The following SSBP3 variants were observed in gnomAD, a reference collection of about 807,000 sequenced individuals.
SSBP3 encodes single-stranded DNA-binding protein 3.
Under a neutral mutation model 69.6 loss-of-function variants are expected in SSBP3, and 5 were observed. That is an observed-to-expected ratio of 0.07 (90% confidence interval 0.04 to 0.15). SSBP3 has a LOEUF of 0.15. SSBP3 is among the 10% of genes least tolerant of loss of function. The pLI, the probability that SSBP3 is intolerant of heterozygous loss-of-function variation, is 1.00. For missense variants in SSBP3, 312 were observed against 534.0 expected (o/e 0.58, Z 4.10); for synonymous variants, 196 against 193.4 (o/e 1.01, Z -0.11).
chr1:54,342,472 GCT>G (rs1646626181), intron 4 of SSBP3, among the ~76,000 whole-genome samples: 1 of 152,198 alleles, frequency 6.6e-6, no homozygotes, highest in Non-Finnish European at 1.5e-5. Context: ...GCAGGTGTGG[GCT>G]CTCTGCAAAG....
chr1:54,297,009 T>C (rs1329355179), intron 4 of SSBP3, among the ~76,000 whole-genome samples: 4 of 152,210 alleles, frequency 2.6e-5, no homozygotes, highest in African/African-American at 9.7e-5. Context: ...TCATTTATTT[T>C]ATATCCGACC....
At chr1:54,273,718 G>C (rs112965446) in intron 5 of SSBP3, among the ~76,000 whole-genome samples, 3,132 of 152,354 alleles carry the variant, frequency 0.021, 96 homozygotes, top group African/African-American at 0.069. Flanking sequence ...CTAAGGCCAA[G>C]AGAGAGAAGG....
intron 4 of SSBP3, among the ~76,000 whole-genome samples, chr1:54,381,382 C>CAAAAAAAAAAAAA: frequency 1.4e-5 from 1 of 69,458 alleles, no homozygotes; most frequent in Non-Finnish European, 3.1e-5. Flanking sequence ...TACACCATCT[C>CAAAAAAAAAAAAA]AAAAAAAAAA....
At chr1:54,266,124 G>A (rs1196635643) in intron 5 of SSBP3, among the ~76,000 whole-genome samples, 1 of 152,230 alleles carries the variant, frequency 6.6e-6, no homozygotes, top group East Asian at 1.9e-4. Context: ...TCTTTCTCCA[G>A]CGCCTGGACT....
chr1:54,292,237 G>C (rs1645620623), intron 4 of SSBP3, among the ~76,000 whole-genome samples: 2 of 152,220 alleles, frequency 1.3e-5, no homozygotes, highest in African/African-American at 4.8e-5. Flanking sequence ...TTCAAACCCA[G>C]GTCTACCTGA....
intron 4 of SSBP3, among the ~76,000 whole-genome samples, chr1:54,388,385 C>T (rs1486272423): frequency 6.6e-6 from 1 of 152,176 alleles, no homozygotes; most frequent in East Asian, 1.9e-4. Context: ...TCATAACAGC[C>T]CCTATCTTAT....
At chr1:54,271,989 C>T (rs1483517506) in intron 5 of SSBP3, among the ~76,000 whole-genome samples, 11 of 152,028 alleles carry the variant, frequency 7.2e-5, no homozygotes, top group Non-Finnish European at 1.6e-4. Flanking sequence ...AGGCTGGTCT[C>T]GAACTCCCGA....
chr1:54,236,418 G>C (rs1425595719), intron 14 of SSBP3: 2 of 152,156 alleles, frequency 1.3e-5, no homozygotes, highest in Non-Finnish European at 2.9e-5. Context: ...ACCGCGCCCA[G>C]CCTATGTATT....
intron 4 of SSBP3, among the ~76,000 whole-genome samples, chr1:54,289,303 ATG>A (rs778799690): frequency 2.1e-5 from 3 of 144,288 alleles, no homozygotes; most frequent in Non-Finnish European, 4.6e-5. Context: ...CTGCACACAC[ATG>A]TGTGTCAAGG....
chr1:54,312,872 A>G (rs1391582503), intron 4 of SSBP3, among the ~76,000 whole-genome samples: 1 of 152,130 alleles, frequency 6.6e-6, no homozygotes, highest in African/African-American at 2.4e-5. Flanking sequence ...TGATTGGTCC[A>G]GCTTCCTGGA....
chr1:54,251,231 G>A (rs1368292001), intron 9 of SSBP3, among the ~76,000 whole-genome samples: 7 of 152,182 alleles, frequency 4.6e-5, no homozygotes, highest in Non-Finnish European at 8.8e-5. Flanking sequence ...GGACACAACC[G>A]ATGGTGGCCC....
Position 54,240,045 on chromosome 1 carries a change from GGGGTGTGT to G in SSBP3, c.856+852_857-847del, listed in dbSNP as rs1221269808. Among the ~76,000 whole-genome samples the G allele has an allele frequency of 6.4e-3, 418 of 65,450 alleles. 7 individuals carry two copies. In the South Asian group the frequency reaches 0.076, roughly 12 times the overall value. 42.9% of individuals were successfully genotyped at this position (65,450 alleles called of 152,430 possible). On this transcript the variant is annotated intron_variant, in intron 13 of 17. Transcript: ENST00000610401. Reference sequence around the variant, plus strand: ...GCTGGGAAAGAAACATAATTGTGATGGGGTGTGTGTGTGTGTGTGTGTGTGTGTGTGTG... The same window carrying G: ...GCTGGGAAAGAAACATAATTGTGATGGTGTGTGTGTGTGTGTGTGTGTGTG...
At chr1:54,391,176 C>T (rs1008736328) in intron 4 of SSBP3, among the ~76,000 whole-genome samples, 5 of 152,232 alleles carry the variant, frequency 3.3e-5, no homozygotes, top group Admixed American at 1.3e-4. Context: ...TCTTCTTGCA[C>T]ATCTGAAACA....
chr1:54,307,835 G>A (rs1383886782), intron 4 of SSBP3, among the ~76,000 whole-genome samples: 1 of 152,080 alleles, frequency 6.6e-6, no homozygotes, highest in Non-Finnish European at 1.5e-5. Flanking sequence ...AAAAAGGGGA[G>A]GCATGAATAA....
At chr1:54,383,380 A>G (rs547469334) in intron 4 of SSBP3, among the ~76,000 whole-genome samples, 1 of 94,428 alleles carries the variant, frequency 1.1e-5, no homozygotes. Flanking sequence ...TCCGTCTCTA[A>G]AAGGAAAAAA....
chr1:54,345,640 C>T (rs1266187895), intron 4 of SSBP3, among the ~76,000 whole-genome samples: 1 of 152,196 alleles, frequency 6.6e-6, no homozygotes. Context: ...AAGTAACTAG[C>T]GTCTCACCCC....
At chr1:54,302,315 A>AT in intron 4 of SSBP3, among the ~76,000 whole-genome samples, 1 of 132,532 alleles carries the variant, frequency 7.5e-6, no homozygotes, top group South Asian at 2.6e-4. Flanking sequence ...GACTCTGAGC[A>AT]TAATTTTTTT....
chr1:54,374,911 C>T (rs1647192055), intron 4 of SSBP3, among the ~76,000 whole-genome samples: 2 of 152,202 alleles, frequency 1.3e-5, no homozygotes, highest in African/African-American at 4.8e-5. Flanking sequence ...CTCAGGTGGG[C>T]AGGAGGCCAG....
chr1:54,332,751 G>A (rs116292677), intron 4 of SSBP3, among the ~76,000 whole-genome samples: 1,839 of 151,898 alleles, frequency 0.012, 17 homozygotes, highest in Non-Finnish European at 0.019. Flanking sequence ...TAAAAAAAAC[G>A]GACTTGCTCC....
Sources: allele counts gnomAD v4.1 joint callset (sites outside exome capture counted in the v4.1 genomes callset), GRCh38; gene constraint gnomAD v4.1.1; transcripts MANE v1.5; gene names NCBI Gene and HGNC (gene_info 2026-07-23, HGNC 2026-07-21).